SVIP: variants seen among roughly 807,000 people sequenced by gnomAD.
SVIP encodes the protein small VCP interacting protein, also known as small VCP/p97-interacting protein.
In SVIP, 14 loss-of-function variants were observed where a neutral mutation model predicts 12.9. The ratio of observed to expected loss-of-function variants is 1.08; its 90% CI spans 0.72 to 1.70. SVIP has a LOEUF of 1.70. Ranked by LOEUF, SVIP falls within the 40% of genes most tolerant of loss-of-function variation. The pLI, the probability that SVIP is intolerant of heterozygous loss-of-function variation, is 0.00. For synonymous variants in SVIP, 35 were observed against 33.3 expected (o/e 1.05, Z -0.17); for missense variants, 93 against 90.8 (o/e 1.02, Z -0.10).
At chr11:22,826,006 G>T (rs116248492) in intron 3 of SVIP, among the ~76,000 whole-genome samples, 1,654 of 152,118 alleles carry the variant, frequency 0.011, 31 homozygotes, top group African/African-American at 0.037. Context: ...ATAAAGAATT[G>T]ACCTCGTTAT....
At chr11:22,829,026 C>T (rs1358358435) in intron 1 of SVIP, among the ~76,000 whole-genome samples, 1 of 151,978 alleles carries the variant, frequency 6.6e-6, no homozygotes, top group African/African-American at 2.4e-5. Context: ...GAACTAGATC[C>T]CTAATATTGC....
rs1201229165 is a variant in SVIP at position 22,820,081 on chromosome 11, G to C, written c.*3038C>G. Reference sequence around the variant, plus strand: ...AGAAAAAAGCCACAATACTATATTTGAATTAGCTTAGAGCATGTTTAGTAG... The same window carrying C: ...AGAAAAAAGCCACAATACTATATTTCAATTAGCTTAGAGCATGTTTAGTAG... On this transcript the variant is annotated 3_prime_UTR_variant, in exon 4 of 4. Transcript: ENST00000354193. 1 of 152,168 alleles carries C rather than the reference G, an allele frequency of 6.6e-6. No homozygotes were observed. The highest frequency in any genetic ancestry group is 2.4e-5 in the African/African-American group (1 of 41,448). The allele number at this position is 152,168 out of a possible 1,614,324, so 9.4% of individuals were successfully genotyped here. A position where few individuals can be genotyped will look rare whatever the true frequency, so the allele number is the denominator to read the frequency against.
In SVIP at chr11:22,819,935, T is replaced by G. The variant is rs946150894; in HGVS notation, c.*3184A>C. 4 of 152,164 alleles carry G rather than the reference T, an allele frequency of 2.6e-5. No homozygotes were observed. The highest frequency in any genetic ancestry group is 7.2e-5 in the African/African-American group (3 of 41,444). The allele number at this position is 152,164 out of a possible 1,614,324, so 9.4% of individuals were successfully genotyped here. A position where few individuals can be genotyped will look rare whatever the true frequency, so the allele number is the denominator to read the frequency against. On this transcript the variant is annotated 3_prime_UTR_variant, in exon 4 of 4. Coordinates refer to ENST00000354193, the MANE Select transcript of SVIP (RefSeq NM_148893.3). Reference sequence around the variant, plus strand: ...TGAAGCATAACTAGAAGAGGGAGACTAGAACAATAAAAAGCCATATCAAAT... The same window carrying G: ...TGAAGCATAACTAGAAGAGGGAGACGAGAACAATAAAAAGCCATATCAAAT...
chr11:22,827,485 C>T (rs769340549), intron 2 of SVIP, among the ~76,000 whole-genome samples, 165 bp from the exon 3 acceptor site: 11 of 152,184 alleles, frequency 7.2e-5, no homozygotes, highest in Middle Eastern at 3.4e-3. Context: ...TTACATAAAA[C>T]ATCATTTCTT....
chr11:22,828,982 G>A (rs1445525955), intron 1 of SVIP, among the ~76,000 whole-genome samples: 1 of 152,116 alleles, frequency 6.6e-6, no homozygotes, highest in Non-Finnish European at 1.5e-5. Context: ...AGCTACATTT[G>A]AATTTCAGAT....
rs750104675 is a variant in SVIP, at chr11:22,819,384, A to G, written c.*3735T>C. ...GCAAAACTAATTAGTTCCACTTGAGATAAGTTAGAGGTACTTGCAAAGAAT... is the reference window on the plus strand; with the variant it reads ...GCAAAACTAATTAGTTCCACTTGAGGTAAGTTAGAGGTACTTGCAAAGAAT... On this transcript the variant is annotated 3_prime_UTR_variant, in exon 4 of 4. Transcript: ENST00000354193. 1 of 152,212 alleles carries G rather than the reference A, an allele frequency of 6.6e-6. No individual in the cohort carries two copies. Among genetic ancestry groups the G allele is most frequent in the Non-Finnish European group, 1.5e-5 (1 of 68,032 alleles). 9.4% of individuals were successfully genotyped at this position (152,212 alleles called of 1,614,324 possible).
At position 22,829,687 on chromosome 11, in the gene SVIP, C is replaced by G. The variant is rs1375954986; in HGVS notation, c.54+8G>C. 8 of 1,596,946 alleles carry G rather than the reference C, an allele frequency of 5.0e-6. No individual in the cohort carries two copies. The African/African-American group carries it at 6.7e-5, about 13-fold the overall frequency. On this transcript the variant is annotated splice_region_variant and intron_variant, in intron 1 of 3. Coordinates refer to ENST00000354193, the MANE Select transcript of SVIP (RefSeq NM_148893.3). Reference sequence around the variant, plus strand: ...GGCCCGGCGGACGCAGGGACCTGCTCTACTCACCAGGTCCGGCGTGGGAGG... The same window carrying G: ...GGCCCGGCGGACGCAGGGACCTGCTGTACTCACCAGGTCCGGCGTGGGAGG...
chr11:22,823,375 G>A (rs947314908), intron 3 of SVIP, among the ~76,000 whole-genome samples: 1 of 152,174 alleles, frequency 6.6e-6, no homozygotes, highest in Non-Finnish European at 1.5e-5. Flanking sequence ...GGATAGCTCT[G>A]TCTCACTGTC....
In SVIP at chr11:22,825,157, G is replaced by A. The variant is rs368716825; in HGVS notation, c.220-2024C>T. On this transcript the variant is annotated intron_variant, in intron 3 of 3. Coordinates refer to ENST00000354193, the MANE Select transcript of SVIP (RefSeq NM_148893.3). ...GTCAGGTCAGAAAGACTCTACCTAG[G>A]GAAGAGTCTTCCTAACCTTCCTACC... 2.9e-4 allele frequency among the ~76,000 whole-genome samples: 44 copies of A among 151,958 alleles called. 1 individual carries two copies. The South Asian group carries it at 7.5e-3, about 26-fold the overall frequency.
intron 3 of SVIP, among the ~76,000 whole-genome samples, chr11:22,825,584 G>C (rs1358826698): frequency 6.6e-6 from 1 of 152,136 alleles, no homozygotes; most frequent in Non-Finnish European, 1.5e-5. Context: ...AAGAAAAACA[G>C]AAACTAAATT....
At chr11:22,827,906 TAAC>T (rs1253273830) in intron 1 of SVIP, 32 bp from the exon 2 acceptor site, 5 of 1,404,838 alleles carry the variant, frequency 3.6e-6, no homozygotes, top group Non-Finnish European at 3.8e-6. Context: ...TGTATTAAAA[TAAC>T]AAACATTATT....
At chr11:22,825,286 C>T (rs1020591932) in intron 3 of SVIP, among the ~76,000 whole-genome samples, 1 of 152,058 alleles carries the variant, frequency 6.6e-6, no homozygotes, top group Non-Finnish European at 1.5e-5. Context: ...GTACTTCTGC[C>T]TTGTATTTTT....
chr11:22,829,787 A>T lies in SVIP; in HGVS notation c.-39T>A. ...TGAGAACCCTGACCGGGTCCGGCCC[A>T]GGCCAGGCGGCGCTAACTGCGCGGT... is the stretch of plus-strand genomic sequence containing the variant. On this transcript the variant is annotated 5_prime_UTR_variant, in exon 1 of 4. Transcript: ENST00000354193. 4.5e-6 allele frequency: 7 copies of T among 1,572,344 alleles called. No homozygotes were observed. The highest frequency in any genetic ancestry group is 6.0e-6 in the Non-Finnish European group (7 of 1,158,826).
rs1386656738 is a variant in SVIP at position 22,821,877 on chromosome 11, T to G, written c.*1242A>C. 6.6e-6 allele frequency: 1 copy of G among 152,204 alleles called. No homozygotes were observed. The highest frequency in any genetic ancestry group is 1.9e-4 in the East Asian group (1 of 5,198). 9.4% of individuals were successfully genotyped at this position (152,204 alleles called of 1,614,324 possible). A position where few individuals can be genotyped will look rare whatever the true frequency, so the allele number is the denominator to read the frequency against. On this transcript the variant is annotated 3_prime_UTR_variant, in exon 4 of 4. Coordinates refer to ENST00000354193, the MANE Select transcript of SVIP (RefSeq NM_148893.3). Reference sequence around the variant, plus strand: ...TTAAAAATTAACATGTACAATACACTGCAGTATAACATAATTTTTGTTGGA... The same window carrying G: ...TTAAAAATTAACATGTACAATACACGGCAGTATAACATAATTTTTGTTGGA...
intron 2 of SVIP, 138 bp downstream of exon 2, chr11:22,827,686 T>A: frequency 1.9e-6 from 1 of 536,846 alleles, no homozygotes; most frequent in Non-Finnish European, 3.2e-6. Flanking sequence ...GAAATCATTT[T>A]GAAAATAATT....
Position 22,820,825 on chromosome 11 carries a change from G to A in SVIP, c.*2294C>T, listed in dbSNP as rs548329342. 6.6e-6 allele frequency: 1 copy of A among 152,212 alleles called. No individual in the cohort carries two copies. The highest frequency in any genetic ancestry group is 1.9e-4 in the East Asian group (1 of 5,192). The allele number at this position is 152,212 out of a possible 1,614,324, so 9.4% of individuals were successfully genotyped here. On this transcript the variant is annotated 3_prime_UTR_variant, in exon 4 of 4. Transcript: ENST00000354193. ...CGTTAAGTTTGATTAGTATTAAGCA[G>A]CAATGGTTTAAGCAATTTTAAATCA...
chr11:22,826,884 T>C (rs928795956), intron 3 of SVIP, among the ~76,000 whole-genome samples: 3 of 152,160 alleles, frequency 2.0e-5, no homozygotes, highest in Non-Finnish European at 4.4e-5. Context: ...GGTACTTAGT[T>C]TGGATGACTT....
In SVIP at chr11:22,822,306, A is replaced by G. The variant is rs1857516466; in HGVS notation, c.*813T>C. Reference sequence around the variant, plus strand: ...ATGATCGTTCTCTAATAAGTACACAAGATTAACACTACTTATGAAATATGG... The same window carrying G: ...ATGATCGTTCTCTAATAAGTACACAGGATTAACACTACTTATGAAATATGG... On this transcript the variant is annotated 3_prime_UTR_variant, in exon 4 of 4. Transcript: ENST00000354193. The G allele has an allele frequency of 6.6e-6, 1 of 152,164 alleles. No homozygotes were observed. The highest frequency in any genetic ancestry group is 1.5e-5 in the Non-Finnish European group (1 of 67,998). 9.4% of individuals were successfully genotyped at this position (152,164 alleles called of 1,614,324 possible).
In SVIP at chr11:22,822,411, C is replaced by A. The variant is rs550468413; in HGVS notation, c.*708G>T. 1 of 152,182 alleles carries A rather than the reference C, an allele frequency of 6.6e-6. No homozygotes were observed. Among genetic ancestry groups the A allele is most frequent in the Admixed American group, 6.5e-5 (1 of 15,286 alleles). 9.4% of individuals were successfully genotyped at this position (152,182 alleles called of 1,614,324 possible). On this transcript the variant is annotated 3_prime_UTR_variant, in exon 4 of 4. Transcript: ENST00000354193. ...AATTACTACAAAGATCCTTACAGAG[C>A]TGAATTTAATATACAATAGAACATC...
Sources: allele counts gnomAD v4.1 joint callset (sites outside exome capture counted in the v4.1 genomes callset), GRCh38; gene constraint gnomAD v4.1.1; transcripts MANE v1.5; gene names NCBI Gene and HGNC (gene_info 2026-07-23, HGNC 2026-07-21).